The following PLPPR1 variants were observed in gnomAD, a reference collection of about 807,000 sequenced individuals.
The protein encoded by PLPPR1 is phospholipid phosphatase related 1.
In PLPPR1, 10 loss-of-function variants were observed where a neutral mutation model predicts 33.1. The ratio of observed to expected loss-of-function variants is 0.30; its 90% CI spans 0.19 to 0.51. PLPPR1 has a LOEUF of 0.51. Ranked by LOEUF, PLPPR1 falls within the 20% of genes least tolerant of loss-of-function variation. PLPPR1 has a pLI of 0.97. For missense variants in PLPPR1, 304 were observed against 408.1 expected, an observed-to-expected ratio of 0.74 and a Z score of 2.20; for synonymous variants, 151 against 151.0, an observed-to-expected ratio of 1.00 and a Z score of 0.00.
chr9:101,282,448 C>A (rs1268938903), intron 3 of PLPPR1, among the ~76,000 whole-genome samples: 1 of 152,118 alleles, frequency 6.6e-6, no homozygotes, highest in Non-Finnish European at 1.5e-5. Context: ...AAACTCACAG[C>A]TAAATTCATG....
chr9:101,120,352 C>A (rs1831163445), intron 1 of PLPPR1, among the ~76,000 whole-genome samples: 1 of 152,212 alleles, frequency 6.6e-6, no homozygotes, highest in Admixed American at 6.5e-5. Flanking sequence ...GGAAAGATAA[C>A]ATTTGGATGT....
chr9:101,220,315 T>A (rs991132897), intron 2 of PLPPR1, among the ~76,000 whole-genome samples: 1 of 152,240 alleles, frequency 6.6e-6, no homozygotes, highest in African/African-American at 2.4e-5. Context: ...GTGGTTTACA[T>A]ATATTAACTC....
chr9:101,169,161 C>G (rs1392302263), intron 1 of PLPPR1, among the ~76,000 whole-genome samples: 1 of 152,094 alleles, frequency 6.6e-6, no homozygotes, highest in African/African-American at 2.4e-5. Context: ...TTCCCAATGT[C>G]TCATCCCTTT....
At position 101,324,337 on chromosome 9, in the gene PLPPR1, C is replaced by T. The variant is rs192816331; in HGVS notation, c.*280C>T. 978 of 318,966 alleles carry T rather than the reference C, an allele frequency of 3.1e-3. 2 individuals are homozygous for T. The highest frequency in any genetic ancestry group is 4.6e-3 in the Non-Finnish European group (813 of 176,658). The allele number at this position is 318,966 out of a possible 1,614,324, so 19.8% of individuals were successfully genotyped here. A position where few individuals can be genotyped will look rare whatever the true frequency, so the allele number is the denominator to read the frequency against. ...AGAACCACATTTATTCAATGGTTGA[C>T]GTTGTTTTGTGATATTTGTACACAA... On this transcript the variant is annotated 3_prime_UTR_variant, in exon 8 of 8. Coordinates refer to ENST00000374874, the MANE Select transcript of PLPPR1 (RefSeq NM_207299.2).
chr9:101,283,966 A>C (rs1828345788), intron 3 of PLPPR1, among the ~76,000 whole-genome samples: 1 of 152,202 alleles, frequency 6.6e-6, no homozygotes, highest in Non-Finnish European at 1.5e-5. Flanking sequence ...CTATTATCAA[A>C]AGATGAAAGA....
chr9:101,087,176 T>G (rs1408946946), intron 1 of PLPPR1, among the ~76,000 whole-genome samples: 1 of 150,470 alleles, frequency 6.6e-6, no homozygotes. Context: ...AGTGAGACTC[T>G]GTCTCAAAAA....
intron 1 of PLPPR1, among the ~76,000 whole-genome samples, chr9:101,119,641 T>G (rs528260164): frequency 1.3e-5 from 2 of 152,274 alleles, no homozygotes; most frequent in Admixed American, 1.3e-4. Flanking sequence ...AACTAGAAAC[T>G]CAGCATGTGG....
Position 101,028,885 on chromosome 9 carries a change from G to T in PLPPR1, c.-263G>T, listed in dbSNP as rs778430505. 3 of 152,320 alleles carry T rather than the reference G, an allele frequency of 2.0e-5. No individual in the cohort carries two copies. The highest frequency in any genetic ancestry group is 4.4e-5 in the Non-Finnish European group (3 of 68,132). The allele number at this position is 152,320 out of a possible 1,614,324, so 9.4% of individuals were successfully genotyped here. Reference sequence around the variant, plus strand: ...GCGCACCTCCGCCCCACGGGCGCGCGCACAAACACGGACACACACATACAC... The same window carrying T: ...GCGCACCTCCGCCCCACGGGCGCGCTCACAAACACGGACACACACATACAC... On this transcript the variant is annotated 5_prime_UTR_variant, in exon 1 of 8. Transcript: ENST00000374874.
rs180881249 is a variant in PLPPR1 at position 101,238,491 on chromosome 9, A to G, written c.64-31389A>G. ...GAAAGTCTTTTAGCAACATACTTCG[A>G]TGGAATTGGAGGCCATTATCCTAAG... On this transcript the variant is annotated intron_variant, in intron 2 of 7. Transcript: ENST00000374874. 4.0e-5 allele frequency among the ~76,000 whole-genome samples: 6 copies of G among 151,248 alleles called. No individual in the cohort carries two copies. In the East Asian group the frequency reaches 1.2e-3, roughly 30 times the overall value.
At chr9:101,150,839 C>T (rs1831575069) in intron 1 of PLPPR1, among the ~76,000 whole-genome samples, 1 of 151,966 alleles carries the variant, frequency 6.6e-6, no homozygotes, top group East Asian at 1.9e-4. Context: ...GAACTCAGAT[C>T]TCATTGCCTC....
At chr9:101,233,201 T>A (rs750579687) in intron 2 of PLPPR1, among the ~76,000 whole-genome samples, 1 of 152,044 alleles carries the variant, frequency 6.6e-6, no homozygotes, top group Non-Finnish European at 1.5e-5. Flanking sequence ...TGCATTTAAT[T>A]CTGTTTACTA....
chr9:101,294,222 G>A (rs1349356458), intron 4 of PLPPR1, among the ~76,000 whole-genome samples: 9 of 151,506 alleles, frequency 5.9e-5, no homozygotes, highest in South Asian at 4.2e-4. Context: ...TAAATTCCTC[G>A]ACACATACAC....
At chr9:101,256,314 A>G (rs1455939479) in intron 2 of PLPPR1, among the ~76,000 whole-genome samples, 1 of 152,196 alleles carries the variant, frequency 6.6e-6, no homozygotes, top group Non-Finnish European at 1.5e-5. Flanking sequence ...TTACACGTTC[A>G]TAGAATGGTG....
In PLPPR1 at chr9:101,312,884, G is replaced by C. The variant is rs1442249659; in HGVS notation, c.723G>C (p.Leu241=). ...TCGGAACTCTCTGCACAGCCTTCCT[G>C]ACAGGCCTCAACCGGGTCTCTGAGT... The part of the protein sequence containing the change: ...LCLGTLCTAF[L]TGLNRVSEYR... Residue 241 remains leucine, a synonymous_variant, in exon 6 of 8, where the codon CTG becomes CTC. Coordinates refer to ENST00000374874, the MANE Select transcript of PLPPR1 (RefSeq NM_207299.2). 3 of 1,614,064 alleles carry C rather than the reference G, an allele frequency of 1.9e-6. No individual in the cohort carries two copies. The highest frequency in any genetic ancestry group is 2.5e-6 in the Non-Finnish European group (3 of 1,180,032).
At chr9:101,300,958 T>C (rs1030123010) in intron 4 of PLPPR1, among the ~76,000 whole-genome samples, 2 of 152,212 alleles carry the variant, frequency 1.3e-5, no homozygotes, top group African/African-American at 4.8e-5. Context: ...GATAAAGCAC[T>C]GGGGAATTGT....
At chr9:101,110,578 A>G (rs969584899) in intron 1 of PLPPR1, among the ~76,000 whole-genome samples, 1 of 152,168 alleles carries the variant, frequency 6.6e-6, no homozygotes, top group African/African-American at 2.4e-5. Flanking sequence ...GAGCCATGAT[A>G]TATCCAGGCC....
At chr9:101,047,151 A>C (rs1830162074) in intron 1 of PLPPR1, among the ~76,000 whole-genome samples, 1 of 152,242 alleles carries the variant, frequency 6.6e-6, no homozygotes, top group East Asian at 1.9e-4. Context: ...TCCCCAGCAG[A>C]ATGATTTATA....
chr9:101,317,763 A>G lies in PLPPR1; in HGVS notation c.945+267A>G, dbSNP rs142580811. On this transcript the variant is annotated intron_variant, in intron 7 of 7. Transcript: ENST00000374874. ...CTGTTTCAGGATACTTTGACCTACA[A>G]TATAATATCACATTCATGAAATTTG... Among the ~76,000 whole-genome samples the G allele has an allele frequency of 1.0e-3, 157 of 152,336 alleles. 1 individual carries two copies. The highest frequency in any genetic ancestry group is 3.6e-3 in the African/African-American group (148 of 41,570).
chr9:101,316,616 C>CAAAAAAAAAAAAAAAA lies in PLPPR1; in HGVS notation c.814-737_814-736insAAAAAAAAAAAAAAAA, dbSNP rs553324474. ...AGGGAAAAGGAGGGTTCTTCTTGGG[C>CAAAAAAAAAAAAAAAA]AAAAAAAAAAAAGCAGGGAAGATGG... On this transcript the variant is annotated intron_variant, in intron 6 of 7. Coordinates refer to ENST00000374874, the MANE Select transcript of PLPPR1 (RefSeq NM_207299.2). Among the ~76,000 whole-genome samples, 117 of 82,486 alleles carry CAAAAAAAAAAAAAAAA rather than the reference C, an allele frequency of 1.4e-3. 9 individuals carry two copies. The highest frequency in any genetic ancestry group is 5.3e-3 in the African/African-American group (92 of 17,204). The allele number at this position is 82,486 out of a possible 152,430, so 54.1% of individuals were successfully genotyped here. A position where few individuals can be genotyped will look rare whatever the true frequency, so the allele number is the denominator to read the frequency against.
Sources: gnomAD v4.1 joint callset for allele counts (sites outside exome capture counted in the v4.1 genomes callset) on GRCh38, gnomAD v4.1.1 for gene constraint, MANE v1.5 for transcripts, NCBI Gene and HGNC (gene_info 2026-07-23, HGNC 2026-07-21) for gene names.